The following IPO11 variants were observed in gnomAD, a reference collection of about 807,000 sequenced individuals.
IPO11 encodes importin 11.
In IPO11, 66 loss-of-function variants were observed where a neutral mutation model predicts 143.2. The ratio of observed to expected loss-of-function variants is 0.46; its 90% CI spans 0.38 to 0.57. IPO11 has a LOEUF of 0.57. IPO11 is among the 20% of genes least tolerant of loss of function. The probability of loss-of-function intolerance (pLI) is 0.00; values close to 1 mark genes in which losing one functional copy is unlikely to be tolerated. For missense variants in IPO11, 1,026 were observed against 1,141.0 expected (o/e 0.90, Z 1.45); for synonymous variants, 385 against 377.8 (o/e 1.02, Z -0.22).
chr5:62,506,179 G>T, intron 18 of IPO11, 62 bp from the exon 19 acceptor site: 1 of 797,234 alleles, frequency 1.3e-6, no homozygotes, highest in South Asian at 1.8e-5. Flanking sequence ...CTGTTCGTAT[G>T]AATGTAGAGG....
Position 62,513,566 on chromosome 5 carries a change from C to T in IPO11, c.1783-1822C>T, listed in dbSNP as rs557424645. Among the ~76,000 whole-genome samples, 319 of 145,914 alleles carry T rather than the reference C, an allele frequency of 2.2e-3. 4 individuals are homozygous for T. The highest frequency in any genetic ancestry group is 3.4e-3 in the Non-Finnish European group (225 of 65,668). On this transcript the variant is annotated intron_variant, in intron 19 of 29. Transcript: ENST00000325324. ...CTGAGCCCCCCACCTCCCTCCCGGA[C>T]GGGGCGGCTGGCTGGGCAGACGGGC...
chr5:62,606,262 C>G (rs1745710779), intron 29 of IPO11, among the ~76,000 whole-genome samples: 1 of 150,182 alleles, frequency 6.7e-6, no homozygotes, highest in Non-Finnish European at 1.5e-5. Context: ...GGGCAAATCG[C>G]TTGAGCCTAG....
At chr5:62,431,934 C>CACATACATACATACATACGT (rs112881832) in intron 1 of IPO11, among the ~76,000 whole-genome samples, 58 of 148,686 alleles carry the variant, frequency 3.9e-4, no homozygotes, top group African/African-American at 1.4e-3. Context: ...GAGCAAGACT[C>CACATACATACATACATACGT]ACATACATAC....
chr5:62,496,681 A>G (rs1580248249), intron 16 of IPO11, among the ~76,000 whole-genome samples: 2 of 152,212 alleles, frequency 1.3e-5, no homozygotes, highest in African/African-American at 2.4e-5. Context: ...GTACAACCAT[A>G]TAGAGACATG....
intron 27 of IPO11, among the ~76,000 whole-genome samples, chr5:62,573,629 A>T (rs1744219416): frequency 6.6e-6 from 1 of 152,214 alleles, no homozygotes; most frequent in Non-Finnish European, 1.5e-5. Context: ...AAATGGTAGA[A>T]GTTCTGTCAA....
At chr5:62,580,041 A>G (rs1744487480) in intron 27 of IPO11, 1 of 1,551,252 alleles carries the variant, frequency 6.4e-7, no homozygotes, top group Admixed American at 2.0e-5. Context: ...CAGGCTTTCA[A>G]CATCTTGAAA....
chr5:62,475,940 C>G (rs1745943320), intron 8 of IPO11, among the ~76,000 whole-genome samples: 1 of 152,204 alleles, frequency 6.6e-6, no homozygotes, highest in African/African-American at 2.4e-5. Flanking sequence ...GGGATTTGCT[C>G]TCCTGAGAAG....
intron 2 of IPO11, 90 bp from the exon 3 acceptor site, chr5:62,442,893 C>CAAAACA (rs944128159): frequency 2.5e-5 from 18 of 733,778 alleles, no homozygotes; most frequent in Admixed American, 3.4e-5. Flanking sequence ...CAAAACAAAA[C>CAAAACA]AAAGATCTGT....
chr5:62,624,933 C>T (rs927838605), intron 29 of IPO11, among the ~76,000 whole-genome samples: 1 of 140,976 alleles, frequency 7.1e-6, no homozygotes, highest in South Asian at 2.2e-4. Flanking sequence ...TGCAGTGAGC[C>T]GAAATCGCGC....
At chr5:62,549,402 T>A (rs1435799215) in intron 24 of IPO11, among the ~76,000 whole-genome samples, 1 of 152,176 alleles carries the variant, frequency 6.6e-6, no homozygotes, top group Non-Finnish European at 1.5e-5. Flanking sequence ...ATTTTTGGAG[T>A]ACACTATTGG....
intron 29 of IPO11, among the ~76,000 whole-genome samples, chr5:62,622,703 A>C (rs1486198510): frequency 1.3e-5 from 2 of 152,238 alleles, no homozygotes; most frequent in African/African-American, 4.8e-5. Context: ...AGAATGCCCA[A>C]GTAATAATGG....
chr5:62,557,870 A>T (rs553443059), intron 26 of IPO11, among the ~76,000 whole-genome samples: 1 of 152,172 alleles, frequency 6.6e-6, no homozygotes, highest in Non-Finnish European at 1.5e-5. Flanking sequence ...GGCTGAAAAG[A>T]ACTCTCAGCC....
chr5:62,567,321 G>C (rs1743978060), intron 27 of IPO11, among the ~76,000 whole-genome samples: 1 of 151,788 alleles, frequency 6.6e-6, no homozygotes, highest in Admixed American at 6.6e-5. Context: ...TGGTTTTATT[G>C]CTGCTTTTAG....
chr5:62,456,780 C>G (rs563103841), intron 5 of IPO11, among the ~76,000 whole-genome samples: 11 of 152,258 alleles, frequency 7.2e-5, no homozygotes, highest in Middle Eastern at 6.8e-3. Flanking sequence ...ACGCAACCCC[C>G]CTATTTAGTA....
At chr5:62,476,379 T>C (rs1162835924) in intron 8 of IPO11, among the ~76,000 whole-genome samples, 1 of 152,202 alleles carries the variant, frequency 6.6e-6, no homozygotes, top group East Asian at 1.9e-4. Flanking sequence ...TGTATGTTGC[T>C]TGAAAAATAC....
intron 29 of IPO11, among the ~76,000 whole-genome samples, chr5:62,605,335 C>A (rs2112455084): frequency 6.6e-6 from 1 of 152,286 alleles, no homozygotes; most frequent in Non-Finnish European, 1.5e-5. Context: ...CCATACGTTT[C>A]TGAGAATTCT....
chr5:62,522,642 C>T (rs1449172706), intron 20 of IPO11, among the ~76,000 whole-genome samples: 3 of 152,056 alleles, frequency 2.0e-5, no homozygotes, highest in Admixed American at 6.6e-5. Context: ...AGAATGTTTT[C>T]GGGTTAATTT....
chr5:62,476,294 T>A (rs990214359), intron 8 of IPO11, among the ~76,000 whole-genome samples: 1 of 152,160 alleles, frequency 6.6e-6, no homozygotes, highest in Non-Finnish European at 1.5e-5. Flanking sequence ...AGGGAAATTA[T>A]CAGAATAAAT....
Position 62,470,288 on chromosome 5 carries a change from C to G in IPO11, c.688C>G (p.His230Asp). The G allele has an allele frequency of 1.2e-6, 2 of 1,613,814 alleles. No individual in the cohort carries two copies. Residue 230 changes from histidine to aspartate, a missense_variant, in exon 7 of 30, where the codon CAT becomes GAT. Physicochemically the swap from His to Asp is moderately conservative, Grantham distance 81 (BLOSUM62 -1). Transcript: ENST00000325324. ...KLTVNGFVEP[H>D]KNMEVMGFLH... is the part of the protein sequence containing the mutation. Reference sequence around the variant, plus strand: ...AACTGTTAATGGATTTGTGGAACCTCATAAGAATATGGAGGTGATGGTAAG... The same window carrying G: ...AACTGTTAATGGATTTGTGGAACCTGATAAGAATATGGAGGTGATGGTAAG...
Sources: allele counts gnomAD v4.1 joint callset (sites outside exome capture counted in the v4.1 genomes callset), GRCh38; gene constraint gnomAD v4.1.1; transcripts MANE v1.5; gene names NCBI Gene and HGNC (gene_info 2026-07-23, HGNC 2026-07-21).